Variants in SLC17A6 observed in about 807,000 individuals in gnomAD.
The protein encoded by SLC17A6 is vesicular glutamate transporter 2.
SLC17A6 carries 35 observed loss-of-function variants against 67.1 expected under a neutral mutation model. That is an observed-to-expected ratio of 0.52 (90% confidence interval 0.40 to 0.69). The LOEUF (loss-of-function observed/expected upper bound fraction) is 0.69. Ranked by LOEUF, SLC17A6 falls within the 30% of genes least tolerant of loss-of-function variation. The pLI is 0.00. For synonymous variants in SLC17A6, 285 were observed against 252.3 expected (o/e 1.13, Z -1.23); for missense variants, 588 against 723.9 (o/e 0.81, Z 2.15).
At chr11:22,348,823 A>C (rs1855906205) in intron 3 of SLC17A6, among the ~76,000 whole-genome samples, 1 of 152,246 alleles carries the variant, frequency 6.6e-6, no homozygotes. Flanking sequence ...TCTGGCTGGC[A>C]TAATTATGAA....
At chr11:22,370,773 G>GC (rs1856166559) in intron 8 of SLC17A6, among the ~76,000 whole-genome samples, 1 of 152,126 alleles carries the variant, frequency 6.6e-6, no homozygotes, top group Admixed American at 6.6e-5. Context: ...AATGCTCACA[G>GC]CTTGGTGGTG....
intron 8 of SLC17A6, among the ~76,000 whole-genome samples, chr11:22,370,947 T>A (rs1475509628): frequency 1.3e-5 from 2 of 152,078 alleles, no homozygotes; most frequent in East Asian, 3.9e-4. Flanking sequence ...TAGAAACTAC[T>A]CTCATATTCA....
At chr11:22,341,801 C>T in intron 2 of SLC17A6, 21 bp downstream of exon 2, 2 of 1,611,790 alleles carry the variant, frequency 1.2e-6, no homozygotes, top group Non-Finnish European at 1.7e-6. Flanking sequence ...TCTGGCCGCC[C>T]TGGCTCCTGC....
intron 3 of SLC17A6, among the ~76,000 whole-genome samples, chr11:22,357,184 T>G (rs562938161): frequency 3.5e-4 from 53 of 152,342 alleles, no homozygotes; most frequent in African/African-American, 1.3e-3. Context: ...TTAGGTTTAG[T>G]TTCTCCATCT....
At chr11:22,371,411 G>T (rs1856173432) in intron 8 of SLC17A6, among the ~76,000 whole-genome samples, 2 of 152,022 alleles carry the variant, frequency 1.3e-5, no homozygotes, top group Non-Finnish European at 2.9e-5. Context: ...TAAGGAAACT[G>T]TTTCCTCCAT....
intron 6 of SLC17A6, among the ~76,000 whole-genome samples, chr11:22,364,054 T>C (rs1481473999): frequency 6.6e-6 from 1 of 152,182 alleles, no homozygotes; most frequent in African/African-American, 2.4e-5. Context: ...TCATTTGATA[T>C]TTATCATTGA....
At chr11:22,354,753 G>A (rs1205818851) in intron 3 of SLC17A6, among the ~76,000 whole-genome samples, 1 of 152,186 alleles carries the variant, frequency 6.6e-6, no homozygotes, top group African/African-American at 2.4e-5. Context: ...TCTATATGAT[G>A]TTGGCAAGTT....
intron 3 of SLC17A6, among the ~76,000 whole-genome samples, chr11:22,350,837 A>C (rs996208930): frequency 1.3e-5 from 2 of 152,080 alleles, no homozygotes; most frequent in Non-Finnish European, 2.9e-5. Flanking sequence ...TCAGCTATAT[A>C]TATATGTGAC....
chr11:22,362,865 G>A (rs1856068295), intron 6 of SLC17A6, 40 bp downstream of exon 6: 1 of 1,493,360 alleles, frequency 6.7e-7, no homozygotes, highest in South Asian at 1.1e-5. Flanking sequence ...AAGGAAATGT[G>A]CATAGGCTAA....
At chr11:22,369,137 C>T (rs1486136678) in intron 7 of SLC17A6, among the ~76,000 whole-genome samples, 2 of 151,830 alleles carry the variant, frequency 1.3e-5, no homozygotes, top group Admixed American at 1.3e-4. Flanking sequence ...CTACTGTTTC[C>T]TCACCAAGCA....
chr11:22,346,654 T>TG (rs1472016362), intron 3 of SLC17A6, among the ~76,000 whole-genome samples: 1 of 151,560 alleles, frequency 6.6e-6, no homozygotes, highest in East Asian at 1.9e-4. Flanking sequence ...TAAAAAAATG[T>TG]GGGGGGCAAA....
intron 3 of SLC17A6, among the ~76,000 whole-genome samples, chr11:22,347,219 A>G (rs527633151): frequency 6.6e-6 from 1 of 150,548 alleles, no homozygotes; most frequent in East Asian, 2.0e-4. Context: ...AATAAAATAA[A>G]TATCACAACA....
At chr11:22,357,750 A>G (rs1298631564) in intron 3 of SLC17A6, among the ~76,000 whole-genome samples, 1 of 152,248 alleles carries the variant, frequency 6.6e-6, no homozygotes, top group Non-Finnish European at 1.5e-5. Context: ...TTATAATAAA[A>G]TAAGACACAC....
chr11:22,362,933 C>A, intron 6 of SLC17A6, 108 bp downstream of exon 6: 1 of 770,406 alleles, frequency 1.3e-6, no homozygotes, highest in Non-Finnish European at 2.2e-6. Flanking sequence ...TGTTTACTTA[C>A]TTATTTTCTT....
At chr11:22,361,064 T>A in intron 5 of SLC17A6, 80 bp downstream of exon 5, 1 of 1,209,578 alleles carries the variant, frequency 8.3e-7, no homozygotes, top group Non-Finnish European at 1.2e-6. Flanking sequence ...TTTGGTAAAC[T>A]CACCTGTAAA....
intron 11 of SLC17A6, 53 bp from the exon 12 acceptor site, chr11:22,377,352 G>C (rs1429173464): frequency 6.8e-7 from 1 of 1,464,004 alleles, no homozygotes; most frequent in East Asian, 2.3e-5. Context: ...AAGATGTTAG[G>C]CGTTTAAATC....
At chr11:22,366,001 G>C (rs148691505) in intron 7 of SLC17A6, among the ~76,000 whole-genome samples, 4 of 150,982 alleles carry the variant, frequency 2.6e-5, no homozygotes, top group Non-Finnish European at 5.9e-5. Flanking sequence ...ATAAATAGTT[G>C]TTCATTTTAC....
chr11:22,371,338 G>A (rs906834492), intron 8 of SLC17A6, among the ~76,000 whole-genome samples: 6 of 151,886 alleles, frequency 4.0e-5, no homozygotes, highest in Admixed American at 3.9e-4. Flanking sequence ...CTGAGACCTG[G>A]GACTGAAGAA....
At chr11:22,368,842 C>G (rs1226762034) in intron 7 of SLC17A6, among the ~76,000 whole-genome samples, 1 of 151,970 alleles carries the variant, frequency 6.6e-6, no homozygotes, top group African/African-American at 2.4e-5. Flanking sequence ...AATTTTTTAT[C>G]CAAAGCCACA....
Sources: allele counts gnomAD v4.1 joint callset (sites outside exome capture counted in the v4.1 genomes callset), GRCh38; gene constraint gnomAD v4.1.1; transcripts MANE v1.5; gene names NCBI Gene and HGNC (gene_info 2026-07-23, HGNC 2026-07-21).